SNAP29: variants seen among roughly 807,000 people sequenced by gnomAD.
SNAP29 encodes synaptosome associated protein 29.
Under a neutral mutation model 27.9 loss-of-function variants are expected in SNAP29, and 13 were observed. That is an observed-to-expected ratio of 0.47 (90% CI 0.30 to 0.74). The LOEUF is 0.74. Among genes scored for constraint, SNAP29 ranks in the 30% least tolerant of loss-of-function variants. SNAP29 has a pLI of 0.06. For missense variants in SNAP29, 368 were observed against 336.5 expected (o/e 1.09, Z -0.73); for synonymous variants, 119 against 127.1 (o/e 0.94, Z 0.43).
intron 2 of SNAP29, among the ~76,000 whole-genome samples, chr22:20,874,795 GT>G (rs375718348): frequency 4.0e-5 from 6 of 149,312 alleles, no homozygotes; most frequent in African/African-American, 1.2e-4. Context: ...GTTTTTTGTT[GT>G]TTTTTTTTCA....
intron 1 of SNAP29, among the ~76,000 whole-genome samples, chr22:20,867,327 C>G (rs949775493): frequency 1.3e-5 from 2 of 151,962 alleles, no homozygotes; most frequent in African/African-American, 4.8e-5. Context: ...TGGGCCGTGG[C>G]TCTGCGGAGG....
chr22:20,887,588 C>CT, intron 4 of SNAP29, 91 bp from the exon 5 acceptor site: 2 of 1,395,242 alleles, frequency 1.4e-6, no homozygotes, highest in Non-Finnish European at 2.0e-6. Context: ...ACACAGATCC[C>CT]TGTCTCTCCC....
chr22:20,884,966 G>A (rs1299635317), intron 4 of SNAP29, among the ~76,000 whole-genome samples: 1 of 152,146 alleles, frequency 6.6e-6, no homozygotes, highest in Non-Finnish European at 1.5e-5. Flanking sequence ...GTAGAGATGA[G>A]GTTTCTCCTT....
chr22:20,867,268 A>G (rs1207977620), intron 1 of SNAP29, among the ~76,000 whole-genome samples: 1 of 152,020 alleles, frequency 6.6e-6, no homozygotes, highest in Non-Finnish European at 1.5e-5. Flanking sequence ...CCTAGCAGCC[A>G]CCCAAGTCCG....
rs146953411 is a variant in SNAP29 at position 20,887,679 on chromosome 22, A to G, written c.620A>G (p.Asp207Gly). Residue 207 changes from aspartate (D) to glycine (G), a missense_variant and splice_region_variant, in exon 5 of 5, where the codon GAT (aspartate) becomes GGT (glycine). Coordinates refer to ENST00000215730, the MANE Select transcript of SNAP29 (RefSeq NM_004782.4). ...TGCGTGTCATTTCCTCCTCCTGCAG[A>G]TGAGCTGTCCATGGGACTGGGTCGT... ...AYHQKIDSNL[D>G]ELSMGLGRLK... 1 of 1,614,060 alleles carries G rather than the reference A, an allele frequency of 6.2e-7. No homozygotes were observed. Among genetic ancestry groups the G allele is most frequent in the African/African-American group, 1.3e-5 (1 of 74,924 alleles).
At chr22:20,876,792 G>A (rs1228506296) in intron 2 of SNAP29, among the ~76,000 whole-genome samples, 4 of 151,922 alleles carry the variant, frequency 2.6e-5, no homozygotes, top group Non-Finnish European at 5.9e-5. Flanking sequence ...GGATGGTCTC[G>A]ATCTCCTGAC....
At chr22:20,875,264 C>T (rs867390619) in intron 2 of SNAP29, among the ~76,000 whole-genome samples, 10 of 152,168 alleles carry the variant, frequency 6.6e-5, no homozygotes, top group South Asian at 6.2e-4. Flanking sequence ...CCACTTAAAG[C>T]TGATGCGTTC....
chr22:20,859,073 C>T lies in SNAP29; in HGVS notation c.-38C>T, dbSNP rs753623313. 4 of 1,529,190 alleles carry T rather than the reference C, an allele frequency of 2.6e-6. No individual in the cohort carries two copies. Among genetic ancestry groups the T allele is most frequent in the Admixed American group, 3.5e-5 (2 of 56,448 alleles). The allele number at this position is 1,529,190 out of a possible 1,614,324, so 94.7% of individuals were successfully genotyped here. On this transcript the variant is annotated 5_prime_UTR_variant, in exon 1 of 5. Coordinates refer to ENST00000215730, the MANE Select transcript of SNAP29 (RefSeq NM_004782.4). Reference sequence around the variant, plus strand: ...CTGGACGGCGGCGGCAGTGGGGCTCCTCCTTCTGTTTCCCAGACCGAGAGC... The same window carrying T: ...CTGGACGGCGGCGGCAGTGGGGCTCTTCCTTCTGTTTCCCAGACCGAGAGC...
intron 3 of SNAP29, among the ~76,000 whole-genome samples, chr22:20,882,467 G>C (rs1461661538): frequency 6.6e-6 from 1 of 152,154 alleles, no homozygotes; most frequent in Non-Finnish European, 1.5e-5. Context: ...AAGGCTTACT[G>C]TGCTGCCTTC....
rs116984278 is a variant in SNAP29 at position 20,888,591 on chromosome 22, A to T, written c.*755A>T. On this transcript the variant is annotated 3_prime_UTR_variant, in exon 5 of 5. Coordinates refer to ENST00000215730, the MANE Select transcript of SNAP29 (RefSeq NM_004782.4). Reference sequence around the variant, plus strand: ...CTCTTCCCCACGTGCTCCCATCTGTAACTCTCCATCTGTGATTTGCAACAG... The same window carrying T: ...CTCTTCCCCACGTGCTCCCATCTGTTACTCTCCATCTGTGATTTGCAACAG... 6.5e-6 allele frequency: 1 copy of T among 153,092 alleles called. No individual in the cohort carries two copies. Among genetic ancestry groups the T allele is most frequent in the Non-Finnish European group, 1.5e-5 (1 of 68,784 alleles). The allele number at this position is 153,092 out of a possible 1,614,324, so 9.5% of individuals were successfully genotyped here. A position where few individuals can be genotyped will look rare whatever the true frequency, so the allele number is the denominator to read the frequency against.
At chr22:20,866,011 C>T (rs978442716) in intron 1 of SNAP29, among the ~76,000 whole-genome samples, 1 of 152,242 alleles carries the variant, frequency 6.6e-6, no homozygotes, top group African/African-American at 2.4e-5. Context: ...TTAGCATAGT[C>T]TGTCTGACCT....
chr22:20,864,915 A>G (rs140023517), intron 1 of SNAP29, among the ~76,000 whole-genome samples: 1 of 152,256 alleles, frequency 6.6e-6, no homozygotes, highest in African/African-American at 2.4e-5. Context: ...TCCTGTGACC[A>G]GAAAATGCAT....
At chr22:20,870,805 T>G in intron 2 of SNAP29, 1 of 514,508 alleles carries the variant, frequency 1.9e-6, no homozygotes, top group Non-Finnish European at 3.5e-6. Context: ...CAGCGTAATC[T>G]GTACAAATGT....
intron 4 of SNAP29, 133 bp downstream of exon 4, chr22:20,883,702 C>T (rs542480372): frequency 2.8e-6 from 2 of 720,422 alleles, no homozygotes; most frequent in African/African-American, 1.7e-5. Flanking sequence ...CAAGCTGGGT[C>T]CATCTTGCCA....
At chr22:20,870,599 A>C in intron 2 of SNAP29, 66 bp downstream of exon 2, 3 of 1,451,088 alleles carry the variant, frequency 2.1e-6, no homozygotes, top group Non-Finnish European at 2.9e-6. Flanking sequence ...AATGACCAAG[A>C]CTTTCAGTCC....
chr22:20,884,068 C>T (rs1928955527), intron 4 of SNAP29, among the ~76,000 whole-genome samples: 1 of 152,186 alleles, frequency 6.6e-6, no homozygotes, highest in African/African-American at 2.4e-5. Context: ...CGCAGTGGCT[C>T]ACGCCTGCAA....
chr22:20,873,914 C>T (rs561943266), intron 2 of SNAP29, among the ~76,000 whole-genome samples: 29 of 120,482 alleles, frequency 2.4e-4, no homozygotes, highest in Non-Finnish European at 3.8e-4. Flanking sequence ...TTGTAGTGAG[C>T]GGAGATTGCA....
At chr22:20,861,118 GTTTT>G (rs362237) in intron 1 of SNAP29, among the ~76,000 whole-genome samples, 1 of 121,812 alleles carries the variant, frequency 8.2e-6, no homozygotes, top group Non-Finnish European at 1.7e-5. Flanking sequence ...CCTCCCTGTG[GTTTT>G]TTTTTTTTTT....
chr22:20,859,507 A>G (rs983862010), intron 1 of SNAP29, 160 bp downstream of exon 1: 1 of 667,114 alleles, frequency 1.5e-6, no homozygotes, highest in Non-Finnish European at 2.8e-6. Context: ...TTAACTATGT[A>G]AAGGTATGTG....
Sources: allele counts gnomAD v4.1 joint callset (sites outside exome capture counted in the v4.1 genomes callset), GRCh38; gene constraint gnomAD v4.1.1; transcripts MANE v1.5; gene names NCBI Gene and HGNC (gene_info 2026-07-23, HGNC 2026-07-21).